The following ZNF475 variants were observed in gnomAD, a reference collection of about 807,000 sequenced individuals.
ZNF475 encodes the protein zinc finger protein 475.
the ZNF475 span, among the ~76,000 whole-genome samples, chr5:122,175,345 A>G: frequency 2.6e-5 from 4 of 152,202 alleles, no homozygotes; most frequent in Non-Finnish European, 5.9e-5. Flanking sequence ...CATACACATT[A>G]ACCAAGTTTT....
chr5:122,173,515 T>C, the ZNF475 span, among the ~76,000 whole-genome samples: 1 of 152,238 alleles, frequency 6.6e-6, no homozygotes, highest in African/African-American at 2.4e-5. Context: ...GGATAAAAGT[T>C]GTTAAATATC....
the ZNF475 span, among the ~76,000 whole-genome samples, chr5:122,180,657 T>C: frequency 6.0e-4 from 91 of 152,336 alleles, no homozygotes; most frequent in African/African-American, 2.1e-3. Context: ...AATTCATCCA[T>C]TCTCCTATGT....
the ZNF475 span, among the ~76,000 whole-genome samples, chr5:122,174,756 TTAAATACTGGA>T: frequency 1.3e-5 from 2 of 152,342 alleles, no homozygotes; most frequent in African/African-American, 4.8e-5. Flanking sequence ...ATATGTGTGG[TTAAATACTGGA>T]TTTGGCTCAT....
chr5:122,179,694 C>A, the ZNF475 span: 2 of 1,526,644 alleles, frequency 1.3e-6, no homozygotes, highest in Non-Finnish European at 1.7e-6. Flanking sequence ...GTTAAGGAGA[C>A]CAGTACCTAA....
At chr5:122,170,670 T>C in the ZNF475 span, among the ~76,000 whole-genome samples, 26 of 152,146 alleles carry the variant, frequency 1.7e-4, no homozygotes, top group African/African-American at 5.8e-4. Context: ...ACAGAGATAA[T>C]TGATTAAATC....
the ZNF475 span, among the ~76,000 whole-genome samples, chr5:122,172,010 G>A: frequency 0.016 from 2,401 of 152,210 alleles, 57 homozygotes; most frequent in East Asian, 0.11. Context: ...CTCCCAAAGT[G>A]CTGGGATTAC....
At chr5:122,182,462 C>A in the ZNF475 span, 1 of 1,373,566 alleles carries the variant, frequency 7.3e-7, no homozygotes, top group Non-Finnish European at 9.4e-7. Flanking sequence ...TTCTTTTTTT[C>A]TTTTTGCTTT....
the ZNF475 span, among the ~76,000 whole-genome samples, chr5:122,180,314 G>A: frequency 6.6e-5 from 10 of 152,136 alleles, no homozygotes; most frequent in African/African-American, 1.9e-4. Flanking sequence ...TCCAGCTGGC[G>A]TTATCATTAA....
chr5:122,178,309 A>G, the ZNF475 span, among the ~76,000 whole-genome samples: 51 of 152,310 alleles, frequency 3.3e-4, 1 homozygote, highest in East Asian at 5.8e-3. Context: ...AGATCCTTGA[A>G]GAATCGCCAC....
At chr5:122,161,216 A>T in the ZNF475 span, among the ~76,000 whole-genome samples, 3 of 152,224 alleles carry the variant, frequency 2.0e-5, no homozygotes, top group Non-Finnish European at 4.4e-5. Context: ...TGACCTACAA[A>T]TTGAAGAAAG....
the ZNF475 span, among the ~76,000 whole-genome samples, chr5:122,171,507 T>A: frequency 6.6e-6 from 1 of 152,218 alleles, no homozygotes; most frequent in Non-Finnish European, 1.5e-5. Flanking sequence ...CTAATAATTT[T>A]GCTGAACTGT....
chr5:122,182,467 T>G, the ZNF475 span: 1 of 1,449,224 alleles, frequency 6.9e-7, no homozygotes, highest in Non-Finnish European at 9.0e-7. Context: ...TTTTTCTTTT[T>G]GCTTTTTTCC....
the ZNF475 span, among the ~76,000 whole-genome samples, chr5:122,164,722 G>C: frequency 1.3e-5 from 2 of 152,244 alleles, no homozygotes; most frequent in African/African-American, 2.4e-5. Context: ...AGGATCCTAG[G>C]GAGGCTGCAC....
At chr5:122,163,846 GC>G in the ZNF475 span, among the ~76,000 whole-genome samples, 1 of 152,180 alleles carries the variant, frequency 6.6e-6, no homozygotes, top group South Asian at 2.1e-4. Context: ...AGCTTCTTTT[GC>G]CTAAGGATAG....
chr5:122,164,337 A>G, the ZNF475 span, among the ~76,000 whole-genome samples: 2,050 of 152,306 alleles, frequency 0.013, 19 homozygotes, highest in Non-Finnish European at 0.02. Flanking sequence ...AAAACTTTTA[A>G]GAACATTGTG....
chr5:122,168,134 TC>T, the ZNF475 span, among the ~76,000 whole-genome samples: 1 of 152,190 alleles, frequency 6.6e-6, no homozygotes, highest in South Asian at 2.1e-4. Context: ...AACCTCTGCC[TC>T]CCAGGTTCAA....
At chr5:122,172,600 A>G in the ZNF475 span, among the ~76,000 whole-genome samples, 1 of 152,204 alleles carries the variant, frequency 6.6e-6, no homozygotes, top group Non-Finnish European at 1.5e-5. Context: ...ATTGCTCCAT[A>G]AACATTTCTT....
At chr5:122,176,056 C>A in the ZNF475 span, among the ~76,000 whole-genome samples, 1 of 152,266 alleles carries the variant, frequency 6.6e-6, no homozygotes, top group South Asian at 2.1e-4. Context: ...CTTTACTCAG[C>A]CCCTCATCAC....
the ZNF475 span, chr5:122,162,118 T>A: frequency 2.0e-5 from 3 of 152,214 alleles, no homozygotes; most frequent in East Asian, 5.8e-4. Flanking sequence ...AACTAAAATG[T>A]CAGGCATGCA....
Sources: gnomAD v4.1 joint callset for allele counts (sites outside exome capture counted in the v4.1 genomes callset) on GRCh38, gnomAD v4.1.1 for gene constraint, MANE v1.5 for transcripts, NCBI Gene and HGNC (gene_info 2026-07-23, HGNC 2026-07-21) for gene names.